The following ACKR3 variants were observed in gnomAD, a reference collection of about 807,000 sequenced individuals.
ACKR3 encodes C-X-C chemokine receptor type 7.
ACKR3 carries 6 observed loss-of-function variants against 22.4 expected under a neutral mutation model. The ratio of observed to expected loss-of-function variants is 0.27; its 90% CI spans 0.15 to 0.53. The LOEUF (loss-of-function observed/expected upper bound fraction) is 0.53. ACKR3 is among the 20% of genes least tolerant of loss of function. The pLI is 0.96. For missense variants in ACKR3, 396 were observed against 475.2 expected (o/e 0.83, Z 1.55); for synonymous variants, 209 against 205.2 (o/e 1.02, Z -0.16).
chr2:236,542,806 C>T, the ACKR3 span, among the ~76,000 whole-genome samples: 1 of 127,710 alleles, frequency 7.8e-6, no homozygotes, highest in African/African-American at 4.2e-5. Context: ...TGTGGACTAT[C>T]TCTTGGGTCT....
At position 236,581,308 on chromosome 2, in the gene ACKR3, C is replaced by T. The variant is rs768089227; in HGVS notation, c.843C>T (p.His281=). ...TGCTGGACATCTTCTCCATCCTGCA[C>T]TACATCCCTTTCACCTGCCGGCTGG... ...AVLLDIFSIL[H]YIPFTCRLEH... Residue 281 remains histidine, a synonymous_variant, in exon 2 of 2, where the codon CAC becomes CAT. Coordinates refer to ENST00000272928, the MANE Select transcript of ACKR3 (RefSeq NM_020311.3). This position sits in a 1 kb window ranked among gnomAD's most constrained non-coding sequence, Gnocchi z 4.4. 1.2e-6 allele frequency: 2 copies of T among 1,614,044 alleles called. No homozygotes were observed. Among genetic ancestry groups the T allele is most frequent in the East Asian group, 2.2e-5 (1 of 44,866 alleles).
At chr2:236,553,425 A>G in the ACKR3 span, among the ~76,000 whole-genome samples, 2 of 152,226 alleles carry the variant, frequency 1.3e-5, no homozygotes, top group Non-Finnish European at 2.9e-5. Flanking sequence ...CTTGAGGCAG[A>G]AAAAAACAGG....
the ACKR3 span, among the ~76,000 whole-genome samples, chr2:236,557,945 T>C: frequency 0.064 from 9,771 of 152,240 alleles, 399 homozygotes; most frequent in Non-Finnish European, 0.1. Flanking sequence ...AATCAACCTG[T>C]TATGTTCAGA....
upstream of ACKR3, among the ~76,000 whole-genome samples, chr2:236,564,306 G>A (rs570663054): frequency 3.3e-5 from 5 of 152,288 alleles, no homozygotes; most frequent in Non-Finnish European, 2.9e-5. Flanking sequence ...ATTGCAACTG[G>A]GGCTCTTGAG....
In ACKR3 at chr2:236,575,544, TTGTGC is replaced by T. The variant is rs1158061896; in HGVS notation, c.-26-4891_-26-4887del. 1.5e-3 allele frequency among the ~76,000 whole-genome samples: 159 copies of T among 107,090 alleles called. 3 individuals carry two copies. Among genetic ancestry groups the T allele is most frequent in the African/African-American group, 7.2e-3 (143 of 19,746 alleles). 70.3% of individuals were successfully genotyped at this position (107,090 alleles called of 152,430 possible). On this transcript the variant is annotated intron_variant, in intron 1 of 1. Coordinates refer to ENST00000272928, the MANE Select transcript of ACKR3 (RefSeq NM_020311.3). ...GTGCTGTGTGTGCGTGTGTCTGGGG[TTGTGC>T]TGTGTGTGTGTGTGTGTCTGGGGTT...
intron 1 of ACKR3, among the ~76,000 whole-genome samples, chr2:236,571,924 C>A (rs1304231495): frequency 6.6e-6 from 1 of 152,042 alleles, no homozygotes; most frequent in East Asian, 1.9e-4. Context: ...AATCAAATAA[C>A]TTAGTTTTAT....
At chr2:236,571,518 G>T (rs1312426281) in intron 1 of ACKR3, among the ~76,000 whole-genome samples, 1 of 151,960 alleles carries the variant, frequency 6.6e-6, no homozygotes, top group Non-Finnish European at 1.5e-5. Context: ...GGGCTTTGGG[G>T]GTGTGTTTTC....
upstream of ACKR3, among the ~76,000 whole-genome samples, chr2:236,564,260 C>G (rs1454049023): frequency 2.0e-5 from 3 of 152,200 alleles, no homozygotes; most frequent in African/African-American, 7.2e-5. Flanking sequence ...AGGGGTGTTA[C>G]CAAATTCTTC....
At chr2:236,552,129 ACCCAGGGGATTT>A in the ACKR3 span, among the ~76,000 whole-genome samples, 1 of 152,168 alleles carries the variant, frequency 6.6e-6, no homozygotes, top group Non-Finnish European at 1.5e-5. Context: ...TGTAAGGAAG[ACCCAGGGGATTT>A]CCCAGAGCAA....
the ACKR3 span, among the ~76,000 whole-genome samples, chr2:236,542,139 C>G: frequency 6.6e-6 from 1 of 152,186 alleles, no homozygotes; most frequent in African/African-American, 2.4e-5. Flanking sequence ...GTGCCTCCAC[C>G]TTAGTGATGG....
the ACKR3 span, among the ~76,000 whole-genome samples, chr2:236,555,626 A>T: frequency 6.6e-6 from 1 of 152,182 alleles, no homozygotes; most frequent in East Asian, 1.9e-4. Context: ...CAGAGAAAAG[A>T]AACAGAGAAG....
At chr2:236,549,653 T>C in the ACKR3 span, among the ~76,000 whole-genome samples, 5 of 152,102 alleles carry the variant, frequency 3.3e-5, no homozygotes, top group African/African-American at 1.2e-4. This position sits in a 1 kb window ranked among gnomAD's most constrained non-coding sequence, Gnocchi z 5.3. Flanking sequence ...GTGAGAACAG[T>C]AGTAGGATCA....
chr2:236,561,931 ATCTT>A, the ACKR3 span, among the ~76,000 whole-genome samples: 2 of 152,246 alleles, frequency 1.3e-5, no homozygotes, highest in Non-Finnish European at 2.9e-5. Context: ...GTTGTTTTAC[ATCTT>A]TCTTTCCAAT....
At chr2:236,572,689 C>T (rs1167398134) in intron 1 of ACKR3, among the ~76,000 whole-genome samples, 2 of 152,204 alleles carry the variant, frequency 1.3e-5, no homozygotes, top group African/African-American at 4.8e-5. Flanking sequence ...GCCCAGACGG[C>T]AGCCTTTGTG....
chr2:236,545,423 GT>G, the ACKR3 span, among the ~76,000 whole-genome samples: 1 of 152,180 alleles, frequency 6.6e-6, no homozygotes, highest in Non-Finnish European at 1.5e-5. The surrounding 1 kb of genome is among the most constrained non-coding windows in gnomAD (Gnocchi z 5.3). Flanking sequence ...GAAACTCAGG[GT>G]TTCTATTTGA....
intron 1 of ACKR3, among the ~76,000 whole-genome samples, chr2:236,573,386 G>C (rs1418042917): frequency 6.6e-6 from 1 of 152,242 alleles, no homozygotes; most frequent in African/African-American, 2.4e-5. Context: ...GGAGATGTTG[G>C]AAAGGGGAAG....
Position 236,581,010 on chromosome 2 carries a change from A to G in ACKR3, c.545A>G (p.Tyr182Cys). The G allele has an allele frequency of 6.2e-7, 1 of 1,613,832 alleles. No individual in the cohort carries two copies. The change falls in exon 2 of 2, where the codon TAC (tyrosine) becomes TGC (cysteine). Residue 182 changes from tyrosine to cysteine, a missense_variant. Transcript: ENST00000272928. The surrounding 1 kb of genome is among the most constrained non-coding windows in gnomAD (Gnocchi z 4.4). ...AFCVSLPDTY[Y>C]LKTVTSASNN... is the part of the protein sequence containing the mutation. ...TGCGTGTCTCTGCCTGACACCTACT[A>G]CCTGAAGACCGTCACGTCTGCGTCC... is the stretch of plus-strand genomic sequence containing the variant.
At chr2:236,571,642 A>AAAAAAC (rs1553634887) in intron 1 of ACKR3, among the ~76,000 whole-genome samples, 1 of 142,784 alleles carries the variant, frequency 7.0e-6, no homozygotes, top group African/African-American at 2.7e-5. Context: ...AAAAAAAAAA[A>AAAAAAC]CCCAAAACAA....
chr2:236,539,599 A>C, the ACKR3 span, among the ~76,000 whole-genome samples: 1 of 152,094 alleles, frequency 6.6e-6, no homozygotes, highest in South Asian at 2.1e-4. Flanking sequence ...AGGCATGAGC[A>C]TCCGCCTTGG....
Sources: allele counts gnomAD v4.1 joint callset (sites outside exome capture counted in the v4.1 genomes callset), GRCh38; gene constraint gnomAD v4.1.1; non-coding constraint Gnocchi (gnomAD v3.1); transcripts MANE v1.5; gene names NCBI Gene and HGNC (gene_info 2026-07-23, HGNC 2026-07-21).